Variants in FAM186A observed in about 807,000 individuals in gnomAD.
FAM186A encodes the protein protein FAM186A.
A neutral mutation model predicts 216.8 loss-of-function variants in FAM186A; 163 were observed. The observed-to-expected ratio is 0.75, with a 90% CI of 0.66 to 0.86. The LOEUF (loss-of-function observed/expected upper bound fraction) is 0.86, where lower values mean the gene tolerates loss of function less well. Ranked by LOEUF, FAM186A falls within the 40% of genes least tolerant of loss-of-function variation. The pLI, the probability that FAM186A is intolerant of heterozygous loss-of-function variation, is 0.00. For missense variants in FAM186A, 2,184 were observed against 2,746.2 expected (o/e 0.80, Z 4.58); for synonymous variants, 805 against 1,025.3 (o/e 0.79, Z 4.10).
intron 6 of FAM186A, 56 bp downstream of exon 6, chr12:50,331,614 A>G: frequency 6.7e-7 from 1 of 1,494,876 alleles, no homozygotes; most frequent in Non-Finnish European, 8.9e-7. Context: ...GCAGGGAAAA[A>G]AAAATTAGGT....
chr12:50,375,675 C>T (rs1943190569), intron 1 of FAM186A, among the ~76,000 whole-genome samples: 1 of 148,762 alleles, frequency 6.7e-6, no homozygotes. Context: ...CGAGATTGTG[C>T]CACTGCACTC....
At position 50,352,026 on chromosome 12, in the gene FAM186A, A is replaced by G. The variant is rs757179925; in HGVS notation, c.4806T>C (p.Pro1602=). Residue 1602 remains proline (P), a synonymous_variant, in exon 4 of 8, where the codon CCT becomes CCC. Coordinates refer to ENST00000327337, the MANE Select transcript of FAM186A (RefSeq NM_001145475.3). ...TPQQAQELGI[P]LTPQQAQAQG... is the part of the protein sequence containing the mutation. ...GAGCCTGCGCCTGCTGAGGGGTGAG[A>G]GGGATCCCCAGTTCCTGCGCCTGCT... The G allele has an allele frequency of 6.6e-6, 10 of 1,518,922 alleles. No individual in the cohort carries two copies. The South Asian group carries it at 1.2e-4, about 18-fold the overall frequency. 94.1% of individuals were successfully genotyped at this position (1,518,922 alleles called of 1,614,324 possible).
chr12:50,348,487 T>G (rs1274355700), intron 4 of FAM186A, among the ~76,000 whole-genome samples: 1 of 152,074 alleles, frequency 6.6e-6, no homozygotes, highest in Admixed American at 6.6e-5. Context: ...CATCCCAAAG[T>G]GCTGGGGTTA....
At position 50,356,236 on chromosome 12, in the gene FAM186A, G is replaced by A. The variant is rs1407884858; in HGVS notation, c.596C>T (p.Thr199Ile). ...TCTTTCTTTCCAAGATTTCCATAGAGTACCTCTAGATACTGAAGAACAAAA... is the reference window on the plus strand; with the variant it reads ...TCTTTCTTTCCAAGATTTCCATAGAATACCTCTAGATACTGAAGAACAAAA... ...KQKKKILSRG[T>I]LWKSWKERVI... Residue 199 changes from threonine to isoleucine, a missense_variant, in exon 4 of 8, where the codon ACT (threonine) becomes ATT (isoleucine). By Grantham distance (89) the Thr-to-Ile change is moderately conservative. Transcript: ENST00000327337. The A allele has an allele frequency of 1.3e-6, 2 of 1,548,228 alleles. No homozygotes were observed. Among genetic ancestry groups the A allele is most frequent in the Non-Finnish European group, 1.7e-6 (2 of 1,146,148 alleles).
chr12:50,364,598 A>T lies in FAM186A; in HGVS notation c.193-1234T>A, dbSNP rs536142001. Among the ~76,000 whole-genome samples, 175 of 150,952 alleles carry T rather than the reference A, an allele frequency of 1.2e-3. 2 individuals carry two copies. Among genetic ancestry groups the T allele is most frequent in the African/African-American group, 4.0e-3 (167 of 41,288 alleles). On this transcript the variant is annotated intron_variant, in intron 1 of 7. Transcript: ENST00000327337. ...ATAAATAAAATAAAAATAAAAATAA[A>T]ATAATATAAAATATAAACACAGACC...
chr12:50,351,133 A>C lies in FAM186A; in HGVS notation c.5699T>G (p.Leu1900Arg). 2.6e-6 allele frequency: 4 copies of C among 1,551,352 alleles called. No homozygotes were observed. ...PPATAEQSPY[L>R]QAPSTPGQHL... The stretch of plus-strand genomic sequence containing the variant: ...CTGCCCAGGGGTAGAAGGAGCCTGC[A>C]GATAGGGAGATTGCTCAGCAGTGGC... Residue 1900 changes from leucine (L) to arginine (R), a missense_variant, in exon 4 of 8, where the codon CTG becomes CGG. Physicochemically the swap from Leu to Arg is moderately radical, Grantham distance 102. Coordinates refer to ENST00000327337, the MANE Select transcript of FAM186A (RefSeq NM_001145475.3).
chr12:50,374,657 T>C (rs546139325), intron 1 of FAM186A, among the ~76,000 whole-genome samples: 1 of 152,278 alleles, frequency 6.6e-6, no homozygotes, highest in South Asian at 2.1e-4. Flanking sequence ...TTCCTCAACC[T>C]GATAAAGAGC....
chr12:50,393,583 A>C (rs1379295788), intron 1 of FAM186A, among the ~76,000 whole-genome samples: 2 of 151,056 alleles, frequency 1.3e-5, no homozygotes, highest in African/African-American at 2.4e-5. Context: ...GTGGTGGCTC[A>C]AGCCTGTAAT....
At position 50,352,435 on chromosome 12, in the gene FAM186A, T is replaced by TGAG. The variant is rs1942903904; in HGVS notation, c.4396_4397insCTC (p.Glu1466delinsAlaGln). The TGAG allele has an allele frequency of 7.0e-7, 1 of 1,437,582 alleles. No homozygotes were observed. 89.1% of individuals were successfully genotyped at this position (1,437,582 alleles called of 1,614,324 possible). Reference sequence around the variant, plus strand: ...CTGAGGGGTGAGAGGGATCCCCAATTCCTGAGCCTGCTGAGGGGTGAGAGT... The same window carrying TGAG: ...CTGAGGGGTGAGAGGGATCCCCAATTGAGCCTGAGCCTGCTGAGGGGTGAGAGT... On this transcript the variant is annotated protein_altering_variant, in exon 4 of 8. Transcript: ENST00000327337.
chr12:50,334,013 A>G lies in FAM186A; in HGVS notation c.6594T>C (p.Asp2198=). The change falls in exon 5 of 8, where the codon GAT becomes GAC. Residue 2198 remains aspartate (D), a synonymous_variant. Coordinates refer to ENST00000327337, the MANE Select transcript of FAM186A (RefSeq NM_001145475.3). ...RNLHMMLSRL[D]DYGKKVMQVW... ...CCTGCATCACCTTTTTCCCGTAGTCATCAAGTCTGCTCAGCATCATGTGGA... is the reference window on the plus strand; with the variant it reads ...CCTGCATCACCTTTTTCCCGTAGTCGTCAAGTCTGCTCAGCATCATGTGGA... The G allele has an allele frequency of 6.4e-7, 1 of 1,551,708 alleles. No individual in the cohort carries two copies. The highest frequency in any genetic ancestry group is 8.7e-7 in the Non-Finnish European group (1 of 1,147,004).
intron 7 of FAM186A, among the ~76,000 whole-genome samples, chr12:50,327,792 G>A (rs955867828): frequency 6.6e-6 from 1 of 151,950 alleles, no homozygotes; most frequent in African/African-American, 2.4e-5. Flanking sequence ...CAATCTACCC[G>A]CCTTGGCCTC....
chr12:50,356,118 T>C lies in FAM186A; in HGVS notation c.714A>G (p.Gln238=). 6.4e-6 allele frequency: 10 copies of C among 1,551,696 alleles called. No homozygotes were observed. Among genetic ancestry groups the C allele is most frequent in the Non-Finnish European group, 8.7e-6 (10 of 1,146,972 alleles). ...LATNTKVSEI[Q]GMLQELIGTT... Reference sequence around the variant, plus strand: ...TGCCTATGAGTTCCTGTAGCATACCTTGGATTTCTGAAACCTTTGTATTTG... The same window carrying C: ...TGCCTATGAGTTCCTGTAGCATACCCTGGATTTCTGAAACCTTTGTATTTG... The change falls in exon 4 of 8, where the codon CAA becomes CAG. Residue 238 remains glutamine, a synonymous_variant. Transcript: ENST00000327337.
At chr12:50,346,739 C>G (rs111602633) in intron 4 of FAM186A, among the ~76,000 whole-genome samples, 1,750 of 151,868 alleles carry the variant, frequency 0.012, 45 homozygotes, top group African/African-American at 0.041. Flanking sequence ...CCCAGCTACT[C>G]GGGAGGCTGA....
At chr12:50,374,509 A>G (rs1943179154) in intron 1 of FAM186A, among the ~76,000 whole-genome samples, 1 of 152,198 alleles carries the variant, frequency 6.6e-6, no homozygotes, top group Non-Finnish European at 1.5e-5. Context: ...TAATTTCTAA[A>G]TGTAACTCAC....
In FAM186A at chr12:50,354,335, G is replaced by A; in HGVS notation, c.2497C>T (p.Gln833Ter). 1 of 1,551,556 alleles carries A rather than the reference G, an allele frequency of 6.4e-7. No individual in the cohort carries two copies. Among genetic ancestry groups the A allele is most frequent in the African/African-American group, 1.4e-5 (1 of 73,102 alleles). ...TGTTTGAGACTCATGCCAGACATTTGTTCTTGACCCTCTTGCAAATATTGC... is the reference window on the plus strand; with the variant it reads ...TGTTTGAGACTCATGCCAGACATTTATTCTTGACCCTCTTGCAAATATTGC... Reference protein sequence around the residue: ...QEQYLQEGQEQMSGMSLKQQL... With the variant: ...QEQYLQEGQE Residue 833 changes from glutamine (Q) to a stop codon, truncating the protein, a stop_gained, in exon 4 of 8, where the codon CAA becomes TAA. Coordinates refer to ENST00000327337, the MANE Select transcript of FAM186A (RefSeq NM_001145475.3). LOFTEE classifies it high-confidence loss of function.
At chr12:50,390,232 A>T (rs1398310805) in intron 1 of FAM186A, among the ~76,000 whole-genome samples, 1 of 152,174 alleles carries the variant, frequency 6.6e-6, no homozygotes, top group African/African-American at 2.4e-5. Flanking sequence ...AGTCCCCCAA[A>T]AGGTCTGATT....
At position 50,351,457 on chromosome 12, in the gene FAM186A, G is replaced by A. The variant is rs867715631; in HGVS notation, c.5375C>T (p.Pro1792Leu). Residue 1792 changes from proline (P) to leucine (L), a missense_variant, in exon 4 of 8, where the codon CCA becomes CTA. Transcript: ENST00000327337. ...CTGTCCAGAGGAACGAAGAGTCTGT[G>A]GTGCCCCAAGCTTCCCAGGCTCAGA... is the stretch of plus-strand genomic sequence containing the variant. ...ILSEPGKLGA[P>L]QTLRSSGQTL... 1.8e-5 allele frequency: 26 copies of A among 1,475,824 alleles called. No individual in the cohort carries two copies. The Middle Eastern group carries it at 4.1e-3, about 234-fold the overall frequency. The allele number at this position is 1,475,824 out of a possible 1,614,324, so 91.4% of individuals were successfully genotyped here.
In FAM186A at chr12:50,354,772, A is replaced by G. The variant is rs750603913; in HGVS notation, c.2060T>C (p.Ile687Thr). ...AGTCTTTTTGTCAAAAGCCTTTCCT[A>G]TGTTATCAATTTTCTGTTTTAGGAA... ...MAFLKQKIDN[I>T]GKAFDKKTVP... is the part of the protein sequence containing the mutation. The change falls in exon 4 of 8, where the codon ATA becomes ACA. Residue 687 changes from isoleucine (I) to threonine (T), a missense_variant. Ile to Thr is a moderately conservative substitution (Grantham distance 89). This residue lies in a region of FAM186A where 1,132 missense variants were observed against 1,263.4 expected (regional missense o/e 0.90). Transcript: ENST00000327337. 2.6e-6 allele frequency: 4 copies of G among 1,535,736 alleles called. No homozygotes were observed. Among genetic ancestry groups the G allele is most frequent in the South Asian group, 1.3e-5 (1 of 79,696 alleles).
At chr12:50,331,434 G>T (rs1452931700) in intron 6 of FAM186A, among the ~76,000 whole-genome samples, 1 of 152,012 alleles carries the variant, frequency 6.6e-6, no homozygotes, top group Non-Finnish European at 1.5e-5. Context: ...TAGAGATGGG[G>T]TTTCTCCATG....
Sources: gnomAD v4.1 joint callset for allele counts (sites outside exome capture counted in the v4.1 genomes callset) on GRCh38, gnomAD v4.1.1 for gene constraint, gnomAD v4.1.1 regional missense constraint, MANE v1.5 for transcripts, NCBI Gene and HGNC (gene_info 2026-07-23, HGNC 2026-07-21) for gene names.